DYTN: variants seen among roughly 807,000 people sequenced by gnomAD.
The protein encoded by DYTN is dystrotelin.
A neutral mutation model predicts 69.6 loss-of-function variants in DYTN; 75 were observed. The observed-to-expected ratio is 1.08, with a 90% CI of 0.89 to 1.31. The LOEUF is 1.31. Ranked by LOEUF, DYTN falls within the 50% of genes most tolerant of loss-of-function variation. The probability of loss-of-function intolerance (pLI) is 0.00; values close to 1 mark genes in which losing one functional copy is unlikely to be tolerated. For missense variants in DYTN, 726 were observed against 688.4 expected, an observed-to-expected ratio of 1.05 and a Z score of -0.61; for synonymous variants, 252 against 249.1, an observed-to-expected ratio of 1.01 and a Z score of -0.11.
chr2:206,675,796 G>T (rs1455675155), intron 9 of DYTN, among the ~76,000 whole-genome samples: 1 of 152,154 alleles, frequency 6.6e-6, no homozygotes, highest in African/African-American at 2.4e-5. Context: ...CTTCTCAAAA[G>T]AAGACATTTA....
At chr2:206,707,785 A>G (rs1700041946) in intron 2 of DYTN, among the ~76,000 whole-genome samples, 1 of 152,172 alleles carries the variant, frequency 6.6e-6, no homozygotes, top group Non-Finnish European at 1.5e-5. Flanking sequence ...TTTTATAGAA[A>G]GAAGTTAAAA....
intron 10 of DYTN, 134 bp downstream of exon 10, chr2:206,665,736 G>A (rs551612465): frequency 6.4e-5 from 64 of 1,005,834 alleles, no homozygotes; most frequent in Non-Finnish European, 8.7e-5. Flanking sequence ...GAGGAAATGG[G>A]AGGTCAGGGT....
intron 1 of DYTN, among the ~76,000 whole-genome samples, chr2:206,714,270 A>G (rs1278393184): frequency 1.3e-5 from 2 of 152,082 alleles, no homozygotes; most frequent in Non-Finnish European, 2.9e-5. Flanking sequence ...GCAGTGGCGC[A>G]ATCTCGGCTC....
At chr2:206,665,564 T>G (rs1699561005) in intron 10 of DYTN, among the ~76,000 whole-genome samples, 2 of 152,278 alleles carry the variant, frequency 1.3e-5, no homozygotes, top group African/African-American at 4.8e-5. Context: ...CTCGGGGTTC[T>G]CAAATATTTT....
chr2:206,717,925 T>C (rs1197520528), intron 1 of DYTN, among the ~76,000 whole-genome samples: 2 of 146,132 alleles, frequency 1.4e-5, no homozygotes, highest in Non-Finnish European at 3.0e-5. Flanking sequence ...ATATATACGA[T>C]AATTTCATTT....
chr2:206,656,192 T>C (rs376953632), intron 11 of DYTN, among the ~76,000 whole-genome samples: 15 of 152,314 alleles, frequency 9.8e-5, no homozygotes, highest in East Asian at 9.6e-4. Flanking sequence ...ATAATAATTA[T>C]AGTATCTTCT....
chr2:206,714,263 G>A (rs1413837132), intron 1 of DYTN, among the ~76,000 whole-genome samples: 3 of 152,222 alleles, frequency 2.0e-5, no homozygotes, highest in African/African-American at 7.2e-5. Context: ...CTGGAGTGCA[G>A]TGGCGCAATC....
chr2:206,710,550 A>G lies in DYTN; in HGVS notation c.68T>C (p.Leu23Ser), dbSNP rs1237980536. The change falls in exon 2 of 12, where the codon TTA becomes TCA. Residue 23 changes from leucine to serine, a missense_variant. By Grantham distance (145) the Leu-to-Ser change is moderately radical. Coordinates refer to ENST00000452335, the MANE Select transcript of DYTN (RefSeq NM_001093730.1). ...ENSIYRTAFK[L>S]QSVQTLCQLD... ...CTGGCACAGAGTTTGCACTGATTGT[A>G]ATTTGAAGGCTGTTCTATAAATGGA... is the stretch of plus-strand genomic sequence containing the variant. The G allele has an allele frequency of 1.2e-6, 2 of 1,612,404 alleles. No individual in the cohort carries two copies. Among genetic ancestry groups the G allele is most frequent in the South Asian group, 2.2e-5 (2 of 90,586 alleles).
chr2:206,693,983 C>T (rs1263969713), intron 8 of DYTN, among the ~76,000 whole-genome samples: 1 of 152,166 alleles, frequency 6.6e-6, no homozygotes, highest in Non-Finnish European at 1.5e-5. Context: ...GATTCAGGCA[C>T]TTGACTTTTG....
rs1699531080 is a variant in DYTN, at chr2:206,663,119, G to A, written c.1417C>T (p.Pro473Ser). The A allele has an allele frequency of 3.1e-6, 5 of 1,613,730 alleles. No individual in the cohort carries two copies. The South Asian group carries it at 5.5e-5, about 18-fold the overall frequency. Reference protein sequence around the residue: ...TRAQSQTQKMPQKVISALPSY... With the variant: ...TRAQSQTQKMSQKVISALPSY... ...GGTAGGGCACTAATGACTTTCTGTG[G>A]CATCTTTTGTGTTTGGCTTTGTGCC... The change falls in exon 11 of 12, where the codon CCA becomes TCA. Residue 473 changes from proline to serine, a missense_variant. Pro to Ser is a moderately conservative substitution (Grantham distance 74). Transcript: ENST00000452335.
At chr2:206,674,012 A>G (rs1699655600) in intron 9 of DYTN, among the ~76,000 whole-genome samples, 1 of 152,198 alleles carries the variant, frequency 6.6e-6, no homozygotes, top group Non-Finnish European at 1.5e-5. Flanking sequence ...GTTGCAATTA[A>G]TTTATAGTTC....
chr2:206,671,671 TAGGG>T (rs1315706222), intron 9 of DYTN, among the ~76,000 whole-genome samples: 1 of 152,190 alleles, frequency 6.6e-6, no homozygotes, highest in African/African-American at 2.4e-5. Flanking sequence ...TTCTAACACT[TAGGG>T]AGAACAATGA....
chr2:206,676,754 C>T (rs1293844214), intron 9 of DYTN, among the ~76,000 whole-genome samples: 1 of 152,042 alleles, frequency 6.6e-6, no homozygotes, highest in Non-Finnish European at 1.5e-5. Flanking sequence ...TTAAAATTTG[C>T]TCAGAGATTA....
At chr2:206,717,581 C>G (rs1017024505) in intron 1 of DYTN, among the ~76,000 whole-genome samples, 1 of 152,092 alleles carries the variant, frequency 6.6e-6, no homozygotes, top group Non-Finnish European at 1.5e-5. Flanking sequence ...TTGTGTAAAG[C>G]GTATTAATAT....
chr2:206,680,532 A>G (rs1053955436), intron 9 of DYTN, among the ~76,000 whole-genome samples: 1 of 152,196 alleles, frequency 6.6e-6, no homozygotes, highest in Non-Finnish European at 1.5e-5. Flanking sequence ...TCTCTGATGC[A>G]TGATGGTGAA....
At chr2:206,672,730 C>T (rs1342662181) in intron 9 of DYTN, among the ~76,000 whole-genome samples, 3 of 152,208 alleles carry the variant, frequency 2.0e-5, no homozygotes, top group Non-Finnish European at 2.9e-5. Context: ...TAAGCTCAGA[C>T]TGTACTGATT....
At position 206,700,207 on chromosome 2, in the gene DYTN, A is replaced by G; in HGVS notation, c.493T>C (p.Phe165Leu). The G allele has an allele frequency of 6.2e-7, 1 of 1,613,858 alleles. No individual in the cohort carries two copies. The highest frequency in any genetic ancestry group is 8.5e-7 in the Non-Finnish European group (1 of 1,179,776). Residue 165 changes from phenylalanine to leucine, a missense_variant, in exon 6 of 12, where the codon TTC becomes CTC. Transcript: ENST00000452335. ...LLTDLQQIPT[F>L]VGESRALCPV... is the part of the protein sequence containing the mutation. ...CACAGAGCACGACTCTCTCCCACGA[A>G]AGTTGGGATCTGCAAGAGACAACCT...
At position 206,696,558 on chromosome 2, in the gene DYTN, A is replaced by C. The variant is rs74682524; in HGVS notation, c.720-1681T>G. 2.6e-3 allele frequency among the ~76,000 whole-genome samples: 396 copies of C among 152,312 alleles called. 2 individuals are homozygous for C. Among genetic ancestry groups the C allele is most frequent in the African/African-American group, 9.0e-3 (373 of 41,584 alleles). Reference sequence around the variant, plus strand: ...ACATGTGTTGACCCAGTTAATCCCCATGGAAATTCTTTCAGGTATTCATAC... The same window carrying C: ...ACATGTGTTGACCCAGTTAATCCCCCTGGAAATTCTTTCAGGTATTCATAC... On this transcript the variant is annotated intron_variant, in intron 7 of 11. Transcript: ENST00000452335.
chr2:206,695,250 T>C (rs557266348), intron 7 of DYTN, among the ~76,000 whole-genome samples: 9 of 152,368 alleles, frequency 5.9e-5, no homozygotes, highest in African/African-American at 1.9e-4. Flanking sequence ...TGCACTCAAA[T>C]TCTTTGAATT....
Sources: allele counts gnomAD v4.1 joint callset (sites outside exome capture counted in the v4.1 genomes callset), GRCh38; gene constraint gnomAD v4.1.1; transcripts MANE v1.5; gene names NCBI Gene and HGNC (gene_info 2026-07-23, HGNC 2026-07-21).